ASAP1: variants seen among roughly 807,000 people sequenced by gnomAD.
ASAP1 encodes ArfGAP with SH3 domain, ankyrin repeat and PH domain 1.
A neutral mutation model predicts 145.2 loss-of-function variants in ASAP1; 43 were observed. The observed-to-expected ratio is 0.30, with a 90% CI of 0.23 to 0.38. The LOEUF is 0.38. ASAP1 is among the 10% of genes least tolerant of loss of function. The pLI, the probability that ASAP1 is intolerant of heterozygous loss-of-function variation, is 1.00. For missense variants in ASAP1, 1,018 were observed against 1,355.3 expected, an observed-to-expected ratio of 0.75 and a Z score of 3.91; for synonymous variants, 546 against 515.5, an observed-to-expected ratio of 1.06 and a Z score of -0.80.
chr8:130,327,491 T>G (rs1824411281), intron 3 of ASAP1, among the ~76,000 whole-genome samples: 2 of 152,242 alleles, frequency 1.3e-5, no homozygotes. Flanking sequence ...GTGAAGATTT[T>G]ATGTTACTTC....
intron 3 of ASAP1, among the ~76,000 whole-genome samples, chr8:130,329,010 A>G (rs1421240398): frequency 2.0e-5 from 3 of 152,172 alleles, no homozygotes; most frequent in Non-Finnish European, 4.4e-5. Flanking sequence ...TAATGGTCAG[A>G]ATATGATATC....
At chr8:130,134,172 G>T in intron 15 of ASAP1, 124 bp downstream of exon 15, 1 of 649,458 alleles carries the variant, frequency 1.5e-6, no homozygotes, top group Non-Finnish European at 2.5e-6. Context: ...CCCACAGGCG[G>T]GAAAGAAGCA....
chr8:130,199,149 G>A (rs1164429091), intron 5 of ASAP1, among the ~76,000 whole-genome samples: 1 of 152,190 alleles, frequency 6.6e-6, no homozygotes, highest in Non-Finnish European at 1.5e-5. Context: ...CACTTTCACA[G>A]AGTACTGCAC....
chr8:130,225,455 T>C (rs534117498), intron 4 of ASAP1, among the ~76,000 whole-genome samples: 1 of 152,342 alleles, frequency 6.6e-6, no homozygotes, highest in African/African-American at 2.4e-5. Flanking sequence ...AAAGTTTTAT[T>C]CACTTCAATA....
chr8:130,414,259 C>T (rs150850508), intron 1 of ASAP1, among the ~76,000 whole-genome samples: 15 of 152,276 alleles, frequency 9.9e-5, no homozygotes, highest in African/African-American at 1.7e-4. Context: ...GGCACAATGA[C>T]GATACTTCCA....
At chr8:130,371,456 G>A (rs189301250) in intron 2 of ASAP1, among the ~76,000 whole-genome samples, 9 of 152,288 alleles carry the variant, frequency 5.9e-5, no homozygotes, top group East Asian at 3.9e-4. Context: ...AGTTTGATTC[G>A]GGGCAGCAAT....
intron 3 of ASAP1, among the ~76,000 whole-genome samples, chr8:130,280,055 C>CTTT (rs2137171644): frequency 6.6e-6 from 1 of 152,256 alleles, no homozygotes; most frequent in South Asian, 2.1e-4. Flanking sequence ...ATTTGGTCAT[C>CTTT]AAAAAGAGAT....
At chr8:130,162,242 G>A (rs1586481586) in intron 11 of ASAP1, among the ~76,000 whole-genome samples, 1 of 152,198 alleles carries the variant, frequency 6.6e-6, no homozygotes, top group African/African-American at 2.4e-5. Flanking sequence ...AGCAAGAAGA[G>A]CAGCCTTCCC....
intron 24 of ASAP1, 101 bp downstream of exon 24, chr8:130,111,993 C>T: frequency 8.8e-7 from 1 of 1,136,310 alleles, no homozygotes; most frequent in East Asian, 2.4e-5. Flanking sequence ...CTCAAATGTA[C>T]CTTGCAATTC....
intron 25 of ASAP1, chr8:130,082,665 G>C (rs1239258104): frequency 1.4e-5 from 2 of 147,478 alleles, no homozygotes; most frequent in African/African-American, 2.6e-5. Context: ...CACCATGCCT[G>C]GTTAATTTTA....
At chr8:130,437,799 T>G (rs1830365862) in intron 1 of ASAP1, among the ~76,000 whole-genome samples, 1 of 152,106 alleles carries the variant, frequency 6.6e-6, no homozygotes, top group African/African-American at 2.4e-5. Flanking sequence ...CGGCTGATCC[T>G]CCCCAGCTGG....
chr8:130,092,286 T>A, intron 24 of ASAP1, 143 bp from the exon 25 acceptor site: 2 of 868,840 alleles, frequency 2.3e-6, no homozygotes, highest in Non-Finnish European at 1.7e-6. Flanking sequence ...GCTAACTCCA[T>A]CAACCTAATA....
intron 5 of ASAP1, among the ~76,000 whole-genome samples, chr8:130,209,817 A>G (rs1023599882): frequency 2.6e-5 from 4 of 152,112 alleles, no homozygotes; most frequent in Non-Finnish European, 5.9e-5. Flanking sequence ...AAGAAAGACT[A>G]GCAAACTATG....
At chr8:130,430,777 A>T (rs1046473143) in intron 1 of ASAP1, among the ~76,000 whole-genome samples, 9 of 152,176 alleles carry the variant, frequency 5.9e-5, no homozygotes, top group Non-Finnish European at 1.3e-4. Flanking sequence ...GGTTGGAAGA[A>T]GAGCAAGAAA....
At chr8:130,288,782 T>C (rs1000646545) in intron 3 of ASAP1, among the ~76,000 whole-genome samples, 1 of 152,174 alleles carries the variant, frequency 6.6e-6, no homozygotes, top group Non-Finnish European at 1.5e-5. Flanking sequence ...CAGCATTACT[T>C]ATAGAAGGAA....
At chr8:130,411,117 C>G (rs1160781823) in intron 1 of ASAP1, among the ~76,000 whole-genome samples, 1 of 152,214 alleles carries the variant, frequency 6.6e-6, no homozygotes, top group African/African-American at 2.4e-5. Context: ...CCACCTTGGG[C>G]CCCCAAATTG....
intron 2 of ASAP1, among the ~76,000 whole-genome samples, chr8:130,398,860 C>A (rs751983643): frequency 4.6e-5 from 7 of 152,208 alleles, no homozygotes; most frequent in Non-Finnish European, 7.4e-5. Flanking sequence ...CAGAGCCTAT[C>A]CTGTCAGCAC....
intron 1 of ASAP1, among the ~76,000 whole-genome samples, chr8:130,412,617 C>T (rs763781200): frequency 2.0e-5 from 3 of 151,892 alleles, no homozygotes; most frequent in East Asian, 1.9e-4. Flanking sequence ...TGACCTAATA[C>T]GAGTCTAGCA....
intron 1 of ASAP1, among the ~76,000 whole-genome samples, chr8:130,402,919 GGTTTTT>G (rs1828861964): frequency 2.7e-5 from 4 of 148,260 alleles, no homozygotes; most frequent in Non-Finnish European, 4.5e-5. Context: ...TCTTTTGTGG[GGTTTTT>G]TTTTTTTTAA....
Sources: allele counts gnomAD v4.1 joint callset (sites outside exome capture counted in the v4.1 genomes callset), GRCh38; gene constraint gnomAD v4.1.1; transcripts MANE v1.5; gene names NCBI Gene and HGNC (gene_info 2026-07-23, HGNC 2026-07-21).